The following NCKAP1L variants were observed in gnomAD, a reference collection of about 807,000 sequenced individuals.
NCKAP1L encodes the protein NCK associated protein 1 like, also known as nck-associated protein 1-like.
A neutral mutation model predicts 139.2 loss-of-function variants in NCKAP1L; 53 were observed. The observed-to-expected ratio is 0.38, with a 90% CI of 0.31 to 0.48. The LOEUF (loss-of-function observed/expected upper bound fraction) is 0.48, where lower values mean the gene tolerates loss of function less well. NCKAP1L is among the 20% of genes least tolerant of loss of function. NCKAP1L has a pLI of 0.98. For synonymous variants in NCKAP1L, 468 were observed against 499.7 expected, an observed-to-expected ratio of 0.94 and a Z score of 0.85; for missense variants, 1,151 against 1,381.9, an observed-to-expected ratio of 0.83 and a Z score of 2.65.
Position 54,518,631 on chromosome 12 carries a change from A to G in NCKAP1L, c.1339-20A>G, listed in dbSNP as rs572561585. Reference sequence around the variant, plus strand: ...AGGGAACCTGTGCCCACTTGACAGTAACTGCAGCTCCTTTTTTAGAACTTG... The same window carrying G: ...AGGGAACCTGTGCCCACTTGACAGTGACTGCAGCTCCTTTTTTAGAACTTG... On this transcript the variant is annotated intron_variant, in intron 13 of 30. Transcript: ENST00000293373. 8.7e-6 allele frequency: 14 copies of G among 1,607,512 alleles called. No individual in the cohort carries two copies. In the South Asian group the frequency reaches 1.5e-4, roughly 18 times the overall value.
intron 21 of NCKAP1L, among the ~76,000 whole-genome samples, chr12:54,527,362 G>T (rs980955667): frequency 2.0e-5 from 3 of 152,164 alleles, no homozygotes; most frequent in African/African-American, 7.2e-5. Context: ...CAGAACAAGG[G>T]GAAACAAAGT....
intron 21 of NCKAP1L, among the ~76,000 whole-genome samples, chr12:54,527,590 G>C (rs1957036414): frequency 6.6e-6 from 1 of 152,176 alleles, no homozygotes; most frequent in African/African-American, 2.4e-5. Flanking sequence ...TGCCAGAGAA[G>C]GTGATTCAGC....
chr12:54,525,371 G>A (rs1373924015), intron 20 of NCKAP1L, among the ~76,000 whole-genome samples: 2 of 152,192 alleles, frequency 1.3e-5, no homozygotes, highest in Non-Finnish European at 2.9e-5. Context: ...AGTTAAATTA[G>A]TTTGTTTTCA....
In NCKAP1L at chr12:54,512,080, G is replaced by A. The variant is rs777624920; in HGVS notation, c.916G>A (p.Glu306Lys). ...EDVLQVHKVT[E>K]DLFSSLKGYG... is the part of the protein sequence containing the mutation. The stretch of plus-strand genomic sequence containing the variant: ...TGTGCTGCAGGTGCACAAAGTCACC[G>A]AGGACCTGTTTAGCAGTTTGAAAGG... The change falls in exon 9 of 31, where the codon GAG (glutamate) becomes AAG (lysine). Residue 306 changes from glutamate to lysine, a missense_variant. By Grantham distance (56) the Glu-to-Lys change is moderately conservative. Transcript: ENST00000293373. 3 of 1,614,016 alleles carry A rather than the reference G, an allele frequency of 1.9e-6. No homozygotes were observed. Among genetic ancestry groups the A allele is most frequent in the African/African-American group, 1.3e-5 (1 of 74,904 alleles).
rs757398054 is a variant in NCKAP1L at position 54,536,131 on chromosome 12, A to G, written c.2959A>G (p.Thr987Ala). The part of the protein sequence containing the change: ...VAAIANLKAD[T>A]SSPEEEYKVA... Reference sequence around the variant, plus strand: ...TTTTCCTTTTTCCCTCTCACCAGATACTTCATCTCCTGAGGAGGAATATAA... The same window carrying G: ...TTTTCCTTTTTCCCTCTCACCAGATGCTTCATCTCCTGAGGAGGAATATAA... Residue 987 changes from threonine to alanine, a missense_variant and splice_region_variant, in exon 28 of 31, where the codon ACT (threonine) becomes GCT (alanine). Transcript: ENST00000293373. 2.5e-5 allele frequency: 41 copies of G among 1,608,046 alleles called. No individual in the cohort carries two copies. The highest frequency in any genetic ancestry group is 3.3e-5 in the Non-Finnish European group (39 of 1,174,936).
intron 20 of NCKAP1L, among the ~76,000 whole-genome samples, chr12:54,525,143 T>C (rs1406047173): frequency 6.6e-6 from 1 of 152,184 alleles, no homozygotes; most frequent in Non-Finnish European, 1.5e-5. Flanking sequence ...TGCGCTTATA[T>C]GTCATTGTAA....
intron 10 of NCKAP1L, 98 bp from the exon 11 acceptor site, chr12:54,516,798 C>T (rs187280400): frequency 2.0e-5 from 21 of 1,067,046 alleles, no homozygotes; most frequent in Middle Eastern, 2.1e-4. Context: ...TTCCTTCTGC[C>T]TGATATCCCT....
chr12:54,537,298 G>C (rs1196615787), intron 29 of NCKAP1L, among the ~76,000 whole-genome samples: 2 of 152,186 alleles, frequency 1.3e-5, no homozygotes, highest in African/African-American at 2.4e-5. Context: ...GAAAATCTGA[G>C]TTCTGATTTT....
chr12:54,500,421 G>T, intron 2 of NCKAP1L, 112 bp from the exon 3 acceptor site: 6 of 750,076 alleles, frequency 8.0e-6, no homozygotes, highest in South Asian at 7.5e-5. Flanking sequence ...ACTGCGCCCG[G>T]CCTCAACCCT....
chr12:54,500,521 T>A lies in NCKAP1L; in HGVS notation c.214-12T>A, dbSNP rs1322916941. 1 of 1,587,958 alleles carries A rather than the reference T, an allele frequency of 6.3e-7. No individual in the cohort carries two copies. Among genetic ancestry groups the A allele is most frequent in the South Asian group, 1.1e-5 (1 of 90,480 alleles). ...TGCACTTTTTTATTGTTTTGTTTTGTGTTTCTCTCAGCAACATTTAGGACC... is the reference window on the plus strand; with the variant it reads ...TGCACTTTTTTATTGTTTTGTTTTGAGTTTCTCTCAGCAACATTTAGGACC... On this transcript the variant is annotated splice_polypyrimidine_tract_variant and intron_variant, in intron 2 of 30. Coordinates refer to ENST00000293373, the MANE Select transcript of NCKAP1L (RefSeq NM_005337.5).
intron 1 of NCKAP1L, 70 bp downstream of exon 1, chr12:54,497,961 G>A: frequency 1.0e-6 from 1 of 965,712 alleles, no homozygotes; most frequent in South Asian, 1.3e-5. Flanking sequence ...TGAGGCGGCA[G>A]GTGCAGCAGT....
chr12:54,534,508 G>A (rs184270443), intron 26 of NCKAP1L, among the ~76,000 whole-genome samples: 3 of 152,294 alleles, frequency 2.0e-5, no homozygotes, highest in African/African-American at 7.2e-5. Flanking sequence ...TGGTACCAAC[G>A]TAAGGAGGGA....
At chr12:54,526,486 A>G (rs1230753658) in intron 20 of NCKAP1L, 42 bp from the exon 21 acceptor site, 1 of 1,493,216 alleles carries the variant, frequency 6.7e-7, no homozygotes, top group South Asian at 1.1e-5. Context: ...TGTATTTGCC[A>G]TTATGATTGT....
At chr12:54,501,600 G>A (rs1457153914) in intron 3 of NCKAP1L, among the ~76,000 whole-genome samples, 1 of 151,998 alleles carries the variant, frequency 6.6e-6, no homozygotes, top group Non-Finnish European at 1.5e-5. Context: ...GACCTCCTAG[G>A]CTCAGGTGAT....
At chr12:54,529,107 C>T (rs1049527777) in intron 22 of NCKAP1L, among the ~76,000 whole-genome samples, 10 of 152,164 alleles carry the variant, frequency 6.6e-5, no homozygotes, top group African/African-American at 2.4e-4. Context: ...ATAATAGATA[C>T]ACTTATTCCC....
At chr12:54,533,157 CT>C (rs1444142494) in intron 26 of NCKAP1L, among the ~76,000 whole-genome samples, 1 of 152,132 alleles carries the variant, frequency 6.6e-6, no homozygotes, top group Non-Finnish European at 1.5e-5. Context: ...CTTGAAAGAT[CT>C]TTGATTTTAA....
At chr12:54,523,031 A>G (rs1261280951) in intron 18 of NCKAP1L, among the ~76,000 whole-genome samples, 1 of 152,200 alleles carries the variant, frequency 6.6e-6, no homozygotes, top group African/African-American at 2.4e-5. Context: ...CTGTTTTCCT[A>G]CATTGGAAGA....
Position 54,536,105 on chromosome 12 carries a change from CTTTTCCTT to C in NCKAP1L, c.2957-20_2957-13del. The C allele has an allele frequency of 6.5e-7, 1 of 1,550,070 alleles. No individual in the cohort carries two copies. The highest frequency in any genetic ancestry group is 1.1e-5 in the South Asian group (1 of 89,730). On this transcript the variant is annotated splice_polypyrimidine_tract_variant and intron_variant, in intron 27 of 30. Coordinates refer to ENST00000293373, the MANE Select transcript of NCKAP1L (RefSeq NM_005337.5). Reference sequence around the variant, plus strand: ...TTTGCTGACTTTATTCACTTTTCCTCTTTTCCTTTTTCCCTCTCACCAGATACTTCATC... The same window carrying C: ...TTTGCTGACTTTATTCACTTTTCCTCTTTCCCTCTCACCAGATACTTCATC...
chr12:54,540,985 T>G (rs576433127), intron 30 of NCKAP1L, among the ~76,000 whole-genome samples: 1 of 152,344 alleles, frequency 6.6e-6, no homozygotes, highest in South Asian at 2.1e-4. Flanking sequence ...GTATTCTGAG[T>G]TAAGAGGCTA....
Sources: allele counts gnomAD v4.1 joint callset (sites outside exome capture counted in the v4.1 genomes callset), GRCh38; gene constraint gnomAD v4.1.1; transcripts MANE v1.5; gene names NCBI Gene and HGNC (gene_info 2026-07-23, HGNC 2026-07-21).